The following G2E3 variants were observed in gnomAD, a reference collection of about 807,000 sequenced individuals.
G2E3 encodes the protein G2/M phase-specific E3 ubiquitin-protein ligase.
Under a neutral mutation model 92.8 loss-of-function variants are expected in G2E3, and 35 were observed. The observed-to-expected ratio is 0.38, with a 90% CI of 0.29 to 0.50. G2E3 has a LOEUF of 0.50. Among genes scored for constraint, G2E3 ranks in the 20% least tolerant of loss-of-function variants. The pLI, the probability that G2E3 is intolerant of heterozygous loss-of-function variation, is 0.94. For synonymous variants in G2E3, 242 were observed against 272.4 expected (o/e 0.89, Z 1.10); for missense variants, 554 against 823.8 (o/e 0.67, Z 4.01).
In G2E3 at chr14:30,598,542, G is replaced by A. The variant is rs17096934; in HGVS notation, c.695G>A (p.Arg232His). 2.8e-3 allele frequency: 4,468 copies of A among 1,613,930 alleles called. 101 individuals are homozygous for A. In the African/African-American group the frequency reaches 0.052, roughly 19 times the overall value. The change falls in exon 8 of 15, where the codon CGT (arginine) becomes CAT (histidine). Residue 232 changes from arginine to histidine, a missense_variant. Coordinates refer to ENST00000206595, the MANE Select transcript of G2E3 (RefSeq NM_017769.5). Reference sequence around the variant, plus strand: ...CAAGAGCTTCTGCAGCACTATGAGCGTTGTGATGTTCGAAGATGTCGTTGC... The same window carrying A: ...CAAGAGCTTCTGCAGCACTATGAGCATTGTGATGTTCGAAGATGTCGTTGC... ...AYQELLQHYE[R>H]CDVRRCRCKE...
At chr14:30,567,175 A>G (rs770570188) in intron 1 of G2E3, among the ~76,000 whole-genome samples, 1 of 152,090 alleles carries the variant, frequency 6.6e-6, no homozygotes, top group Non-Finnish European at 1.5e-5. Context: ...GTATCGGGGT[A>G]TTGGTGGCTT....
At chr14:30,587,884 T>TAAGTCTAGTAGCCC (rs1440163264) in intron 3 of G2E3, among the ~76,000 whole-genome samples, 1 of 152,208 alleles carries the variant, frequency 6.6e-6, no homozygotes, top group East Asian at 1.9e-4. Context: ...AACAAATCAT[T>TAAGTCTAGTAGCCC]AAGTCTAGTA....
intron 1 of G2E3, among the ~76,000 whole-genome samples, chr14:30,562,615 G>A (rs565039173): frequency 5.9e-5 from 9 of 151,998 alleles, no homozygotes; most frequent in Non-Finnish European, 1.2e-4. Flanking sequence ...TTTCCCCGGG[G>A]GAGTTTAGAG....
At chr14:30,570,925 C>T (rs967300891) in intron 1 of G2E3, among the ~76,000 whole-genome samples, 1 of 152,074 alleles carries the variant, frequency 6.6e-6, no homozygotes, top group Non-Finnish European at 1.5e-5. Context: ...CAGTCTGAGG[C>T]TTGTCTTATT....
Position 30,616,156 on chromosome 14 carries a change from A to C in G2E3, c.1865-122A>C, listed in dbSNP as rs1594517703. The C allele has an allele frequency of 4.5e-6, 3 of 674,032 alleles. No homozygotes were observed. The East Asian group carries it at 8.0e-5, about 18-fold the overall frequency. 41.8% of individuals were successfully genotyped at this position (674,032 alleles called of 1,614,324 possible). ...TTTGTGATTTAGTTTGCCCAAAACA[A>C]ATGTGGGAGTCTGTGCCTTTCAGTA... On this transcript the variant is annotated intron_variant, in intron 14 of 14. Coordinates refer to ENST00000206595, the MANE Select transcript of G2E3 (RefSeq NM_017769.5).
At chr14:30,610,485 G>A (rs1018992801) in intron 12 of G2E3, among the ~76,000 whole-genome samples, 2 of 152,046 alleles carry the variant, frequency 1.3e-5, no homozygotes, top group African/African-American at 4.8e-5. Context: ...GTGTGGTGGC[G>A]CGCGCCTATA....
intron 1 of G2E3, among the ~76,000 whole-genome samples, chr14:30,576,210 G>A (rs1432484277): frequency 6.6e-6 from 1 of 152,010 alleles, no homozygotes; most frequent in Non-Finnish European, 1.5e-5. Context: ...CCAGAAATGA[G>A]GCCACACATC....
At chr14:30,572,700 T>C (rs763347729) in intron 1 of G2E3, among the ~76,000 whole-genome samples, 2 of 152,082 alleles carry the variant, frequency 1.3e-5, no homozygotes, top group Non-Finnish European at 2.9e-5. Context: ...CTAAGATAAA[T>C]CCAGTTAAGA....
chr14:30,571,302 A>G (rs1220439278), intron 1 of G2E3, among the ~76,000 whole-genome samples: 2 of 148,068 alleles, frequency 1.4e-5, no homozygotes, highest in African/African-American at 5.0e-5. Flanking sequence ...CATTTTGTTC[A>G]TTTTATTGTG....
chr14:30,560,597 T>C (rs1879035702), intron 1 of G2E3: 5 of 558,300 alleles, frequency 9.0e-6, no homozygotes, highest in Non-Finnish European at 1.6e-5. Flanking sequence ...TCATTTCATA[T>C]GTGCTGTCAA....
In G2E3 at chr14:30,616,895, T is replaced by C. The variant is rs557560649; in HGVS notation, c.*361T>C. 6.4e-6 allele frequency: 1 copy of C among 157,266 alleles called. No homozygotes were observed. The highest frequency in any genetic ancestry group is 6.5e-5 in the Admixed American group (1 of 15,420). The allele number at this position is 157,266 out of a possible 1,614,324, so 9.7% of individuals were successfully genotyped here. A position where few individuals can be genotyped will look rare whatever the true frequency, so the allele number is the denominator to read the frequency against. On this transcript the variant is annotated 3_prime_UTR_variant, in exon 15 of 15. Coordinates refer to ENST00000206595, the MANE Select transcript of G2E3 (RefSeq NM_017769.5). The stretch of plus-strand genomic sequence containing the variant: ...TTGTAAATTAGGATTACATATAGAA[T>C]GCCACAATTTCTCTAGGTTTATTCA...
In G2E3 at chr14:30,617,955, G is replaced by A. The variant is rs1345338122; in HGVS notation, c.*1421G>A. On this transcript the variant is annotated 3_prime_UTR_variant, in exon 15 of 15. Transcript: ENST00000206595. Reference sequence around the variant, plus strand: ...AGTAAATCATTATGGGAAGTAAAATGTTTTAACCATATTTTTCTTAATACA... The same window carrying A: ...AGTAAATCATTATGGGAAGTAAAATATTTTAACCATATTTTTCTTAATACA... 2.5e-5 allele frequency: 2 copies of A among 81,172 alleles called. No homozygotes were observed. The highest frequency in any genetic ancestry group is 1.8e-4 in the African/African-American group (2 of 11,084). 5.0% of individuals were successfully genotyped at this position (81,172 alleles called of 1,614,324 possible). A position where few individuals can be genotyped will look rare whatever the true frequency, so the allele number is the denominator to read the frequency against.
In G2E3 at chr14:30,619,301, T is replaced by C. The variant is rs1882455269; in HGVS notation, c.*2767T>C. The stretch of plus-strand genomic sequence containing the variant: ...TTTTCCCCTAATTATATGGAAGCTA[T>C]TGGAACTTTTGTATTCAGTGCTAAA... On this transcript the variant is annotated 3_prime_UTR_variant, in exon 15 of 15. Coordinates refer to ENST00000206595, the MANE Select transcript of G2E3 (RefSeq NM_017769.5). 1.3e-5 allele frequency: 2 copies of C among 152,076 alleles called. No homozygotes were observed. Among genetic ancestry groups the C allele is most frequent in the Non-Finnish European group, 2.9e-5 (2 of 67,928 alleles). 9.4% of individuals were successfully genotyped at this position (152,076 alleles called of 1,614,324 possible).
intron 6 of G2E3, among the ~76,000 whole-genome samples, chr14:30,594,905 G>A (rs1308891831): frequency 6.6e-6 from 1 of 150,870 alleles, no homozygotes; most frequent in Non-Finnish European, 1.5e-5. Flanking sequence ...GAGGAGGGCG[G>A]ATCACCTGAG....
At chr14:30,605,457 A>G in intron 10 of G2E3, 48 bp from the exon 11 acceptor site, 1 of 688,698 alleles carries the variant, frequency 1.5e-6, no homozygotes, top group South Asian at 2.4e-5. Context: ...TGTTTCACAT[A>G]AAGTACTTTA....
intron 1 of G2E3, among the ~76,000 whole-genome samples, chr14:30,562,398 G>T (rs902071771): frequency 6.6e-6 from 1 of 152,080 alleles, no homozygotes; most frequent in Non-Finnish European, 1.5e-5. Context: ...ACAGAGATAG[G>T]AGCTGAGGGG....
At chr14:30,560,757 A>G (rs1245978271) in intron 1 of G2E3, 12 of 701,602 alleles carry the variant, frequency 1.7e-5, no homozygotes, top group Non-Finnish European at 5.2e-6. Flanking sequence ...TTGTTCAACA[A>G]TGCTGATTCC....
At chr14:30,566,535 T>G (rs1282875699) in intron 1 of G2E3, among the ~76,000 whole-genome samples, 1 of 152,250 alleles carries the variant, frequency 6.6e-6, no homozygotes, top group Non-Finnish European at 1.5e-5. Context: ...CTTTTTGGAT[T>G]GTTCATTGTT....
At chr14:30,561,881 G>A (rs1423327959) in intron 1 of G2E3, among the ~76,000 whole-genome samples, 1 of 151,264 alleles carries the variant, frequency 6.6e-6, no homozygotes, top group Non-Finnish European at 1.5e-5. Context: ...TTTTTTCTGA[G>A]ATGATAGCAT....
Sources: gnomAD v4.1 joint callset for allele counts (sites outside exome capture counted in the v4.1 genomes callset) on GRCh38, gnomAD v4.1.1 for gene constraint, MANE v1.5 for transcripts, NCBI Gene and HGNC (gene_info 2026-07-23, HGNC 2026-07-21) for gene names.